Variants in MCTP2 observed in about 807,000 individuals in gnomAD.
The protein encoded by MCTP2 is multiple C2 and transmembrane domain containing 2.
In MCTP2, 132 loss-of-function variants were observed where a neutral mutation model predicts 111.6. The observed-to-expected ratio is 1.18, with a 90% CI of 1.03 to 1.37. MCTP2 has a LOEUF of 1.37. Ranked by LOEUF, MCTP2 falls within the 40% of genes most tolerant of loss-of-function variation. The pLI is 0.00. For synonymous variants in MCTP2, 395 were observed against 387.7 expected (o/e 1.02, Z -0.22); for missense variants, 1,183 against 1,067.9 (o/e 1.11, Z -1.50).
At chr15:94,268,516 C>A (rs1160423920) in intron 1 of MCTP2, among the ~76,000 whole-genome samples, 1 of 151,976 alleles carries the variant, frequency 6.6e-6, no homozygotes, top group Non-Finnish European at 1.5e-5. Context: ...CTTTTTCAAT[C>A]TTTATTTTGT....
At chr15:94,431,225 A>G (rs2083170639) in intron 17 of MCTP2, among the ~76,000 whole-genome samples, 1 of 152,234 alleles carries the variant, frequency 6.6e-6, no homozygotes, top group Non-Finnish European at 1.5e-5. Context: ...TGAATGGCCC[A>G]GGGATAGAAC....
At chr15:94,251,492 A>G (rs764449307) in intron 1 of MCTP2, among the ~76,000 whole-genome samples, 11 of 151,672 alleles carry the variant, frequency 7.3e-5, no homozygotes, top group Non-Finnish European at 1.6e-4. Flanking sequence ...CTGAGTAGCT[A>G]GGATTACAGG....
At chr15:94,243,692 CATAT>C (rs2071339805) in intron 1 of MCTP2, among the ~76,000 whole-genome samples, 1 of 142,696 alleles carries the variant, frequency 7.0e-6, no homozygotes, top group Admixed American at 7.1e-5. Flanking sequence ...TATACACATA[CATAT>C]GCGTATATAC....
At chr15:94,361,491 C>CA (rs1277076905) in intron 10 of MCTP2, among the ~76,000 whole-genome samples, 1 of 152,110 alleles carries the variant, frequency 6.6e-6, no homozygotes, top group African/African-American at 2.4e-5. Flanking sequence ...ATAATGGGCT[C>CA]ACTCGCCAAC....
At chr15:94,425,920 G>C (rs1200237823) in intron 17 of MCTP2, among the ~76,000 whole-genome samples, 1 of 152,068 alleles carries the variant, frequency 6.6e-6, no homozygotes, top group African/African-American at 2.4e-5. Flanking sequence ...TTAGAGGCAA[G>C]TTTTACCAAA....
chr15:94,465,707 G>T (rs984157051), intron 20 of MCTP2, among the ~76,000 whole-genome samples: 1 of 151,938 alleles, frequency 6.6e-6, no homozygotes, highest in East Asian at 1.9e-4. Flanking sequence ...TGATGCTTAC[G>T]ATTGCATTTA....
In MCTP2 at chr15:94,350,316, G is replaced by A. The variant is rs563142850; in HGVS notation, c.1005+5152G>A. The stretch of plus-strand genomic sequence containing the variant: ...TAAAATGGCATCCGGGGCTGGGCAC[G>A]GTGGCTCATGCCTGTAATCCCAGCA... On this transcript the variant is annotated intron_variant, in intron 8 of 22. Coordinates refer to ENST00000357742, the MANE Select transcript of MCTP2 (RefSeq NM_001385001.1). Among the ~76,000 whole-genome samples, 464 of 152,292 alleles carry A rather than the reference G, an allele frequency of 3.0e-3. 3 individuals carry two copies. Among genetic ancestry groups the A allele is most frequent in the African/African-American group, 0.01 (428 of 41,568 alleles).
intron 1 of MCTP2, among the ~76,000 whole-genome samples, chr15:94,253,540 A>G (rs924969186): frequency 2.6e-5 from 4 of 152,166 alleles, no homozygotes; most frequent in African/African-American, 7.2e-5. Context: ...TAATGCATCA[A>G]CTAGGTACTG....
intron 4 of MCTP2, among the ~76,000 whole-genome samples, chr15:94,338,051 G>A (rs2077452387): frequency 6.6e-6 from 1 of 152,130 alleles, no homozygotes; most frequent in Non-Finnish European, 1.5e-5. Context: ...ATGCATGATG[G>A]ATATTAATGA....
chr15:94,291,465 G>C (rs1236850972), intron 1 of MCTP2, among the ~76,000 whole-genome samples: 1 of 152,126 alleles, frequency 6.6e-6, no homozygotes, highest in Non-Finnish European at 1.5e-5. Flanking sequence ...GCCGAGAGTG[G>C]TGGCATATGC....
chr15:94,477,197 A>T (rs572202845), intron 22 of MCTP2, among the ~76,000 whole-genome samples: 168 of 152,254 alleles, frequency 1.1e-3, no homozygotes, highest in African/African-American at 3.9e-3. Flanking sequence ...CAAAAGGATT[A>T]TTCTTTTTAT....
intron 1 of MCTP2, among the ~76,000 whole-genome samples, chr15:94,241,907 T>C (rs1401048044): frequency 6.6e-6 from 1 of 152,198 alleles, no homozygotes; most frequent in East Asian, 1.9e-4. Context: ...TTTGAATTTG[T>C]TTAATATTTC....
intron 1 of MCTP2, among the ~76,000 whole-genome samples, chr15:94,233,853 G>A (rs2070360214): frequency 6.6e-6 from 1 of 152,126 alleles, no homozygotes; most frequent in Non-Finnish European, 1.5e-5. Context: ...TTCTTGTTGT[G>A]GAAAACACTT....
At position 94,399,015 on chromosome 15, in the gene MCTP2, G is replaced by A. The variant is rs143183400; in HGVS notation, c.1843G>A (p.Ala615Thr). The A allele has an allele frequency of 2.0e-5, 32 of 1,565,730 alleles. No homozygotes were observed. In the Middle Eastern group the frequency reaches 6.7e-4, roughly 33 times the overall value. Residue 615 changes from alanine (A) to threonine (T), a missense_variant, in exon 15 of 23, where the codon GCT becomes ACT. By Grantham distance (58) the Ala-to-Thr change is moderately conservative (BLOSUM62 0). Coordinates refer to ENST00000357742, the MANE Select transcript of MCTP2 (RefSeq NM_001385001.1). ...YVLKNKDLEQAFKGVIYLEMD... is the reference protein window; with the variant it reads ...YVLKNKDLEQTFKGVIYLEMD... Reference sequence around the variant, plus strand: ...ACTAAAGAATAAAGATTTAGAACAAGCTTTTAAAGGAGTTATTTACTTAGA... The same window carrying A: ...ACTAAAGAATAAAGATTTAGAACAAACTTTTAAAGGAGTTATTTACTTAGA...
chr15:94,428,455 T>C (rs954983876), intron 17 of MCTP2, among the ~76,000 whole-genome samples: 13 of 152,210 alleles, frequency 8.5e-5, no homozygotes, highest in Admixed American at 8.5e-4. Context: ...TCAGTTCTAC[T>C]ATGACAGTTT....
intron 17 of MCTP2, among the ~76,000 whole-genome samples, chr15:94,414,039 G>A (rs568093236): frequency 6.6e-6 from 1 of 152,252 alleles, no homozygotes; most frequent in East Asian, 1.9e-4. Context: ...CCTTTGCAGT[G>A]TACATTTTCA....
In MCTP2 at chr15:94,298,469, C is replaced by T. The variant is rs762953743; in HGVS notation, c.204C>T (p.Tyr68=). ...AEALAPEGRP[Y]SGPQSSYTSV... is the part of the protein sequence containing the mutation. ...CCTTGGCCCCAGAGGGCCGGCCTTA[C>T]TCCGGGCCACAGTCTTCCTACACCT... Residue 68 remains tyrosine, a synonymous_variant, in exon 2 of 23, where the codon TAC becomes TAT. Transcript: ENST00000357742. 4 of 1,613,978 alleles carry T rather than the reference C, an allele frequency of 2.5e-6. No homozygotes were observed. Among genetic ancestry groups the T allele is most frequent in the Admixed American group, 1.7e-5 (1 of 59,996 alleles).
intron 17 of MCTP2, among the ~76,000 whole-genome samples, chr15:94,409,968 C>G (rs1298628063): frequency 6.6e-6 from 1 of 151,352 alleles, no homozygotes; most frequent in Non-Finnish European, 1.5e-5. Flanking sequence ...CCCTCCTCAC[C>G]TCCTTAGTTT....
intron 20 of MCTP2, among the ~76,000 whole-genome samples, chr15:94,461,604 C>T (rs1315143145): frequency 1.1e-4 from 16 of 152,128 alleles, no homozygotes; most frequent in Admixed American, 1.0e-3. Context: ...CTAGGGAAAT[C>T]TCCACAGAGG....
Sources: gnomAD v4.1 joint callset for allele counts (sites outside exome capture counted in the v4.1 genomes callset) on GRCh38, gnomAD v4.1.1 for gene constraint, MANE v1.5 for transcripts, NCBI Gene and HGNC (gene_info 2026-07-23, HGNC 2026-07-21) for gene names.